Variants in PTER observed in about 807,000 individuals in gnomAD.
PTER encodes N-acetyltaurine hydrolase.
A neutral mutation model predicts 29.6 loss-of-function variants in PTER; 38 were observed. The observed-to-expected ratio is 1.28, with a 90% confidence interval of 0.99 to 1.68. The LOEUF is 1.68. PTER is among the 40% of genes most tolerant of loss of function. The probability of loss-of-function intolerance (pLI) is 0.00; values close to 1 mark genes in which losing one functional copy is unlikely to be tolerated. For synonymous variants in PTER, 172 were observed against 154.5 expected, an observed-to-expected ratio of 1.11 and a Z score of -0.84; for missense variants, 482 against 427.8, an observed-to-expected ratio of 1.13 and a Z score of -1.12.
chr10:16,462,570 CTT>C (rs1293360557), intron 1 of PTER, among the ~76,000 whole-genome samples: 7 of 126,948 alleles, frequency 5.5e-5, no homozygotes, highest in Admixed American at 1.6e-4. Flanking sequence ...ACATAATCTA[CTT>C]TTTTTTTTTT....
chr10:16,485,973 C>T (rs111614922), intron 2 of PTER, among the ~76,000 whole-genome samples: 2,223 of 152,100 alleles, frequency 0.015, 48 homozygotes, highest in African/African-American at 0.05. Flanking sequence ...ACTTGATACA[C>T]GGGACATAGA....
intron 1 of PTER, among the ~76,000 whole-genome samples, chr10:16,470,361 T>C (rs1835000459): frequency 1.3e-5 from 2 of 152,384 alleles, no homozygotes; most frequent in South Asian, 4.1e-4. Flanking sequence ...GTATCTCCCA[T>C]AGACCTTACC....
At chr10:16,509,650 C>A (rs1836733438) in intron 4 of PTER, among the ~76,000 whole-genome samples, 1 of 152,110 alleles carries the variant, frequency 6.6e-6, no homozygotes, top group Admixed American at 6.6e-5. Flanking sequence ...AAATCTTTGT[C>A]TTTTTATGTG....
intron 4 of PTER, among the ~76,000 whole-genome samples, chr10:16,506,073 G>A (rs1164182958): frequency 1.3e-5 from 2 of 149,028 alleles, no homozygotes; most frequent in East Asian, 2.2e-4. Context: ...CAGTAGAGAG[G>A]AAGTCTCAGG....
rs543651424 is a variant in PTER, at chr10:16,460,873, C to G, written c.-48-23464C>G. ...CGGGGATTACAGGCACCCGCCACCA[C>G]GTCTGGCTAATTTTGGTAATTTTGA... On this transcript the variant is annotated intron_variant, in intron 1 of 4. Coordinates refer to ENST00000535784, the MANE Select transcript of PTER (RefSeq NM_001261836.2). 9.2e-5 allele frequency among the ~76,000 whole-genome samples: 14 copies of G among 152,222 alleles called. No individual in the cohort carries two copies. The South Asian group carries it at 2.5e-3, about 27-fold the overall frequency.
downstream of PTER, chr10:16,514,734 T>C (rs752829499): frequency 6.4e-7 from 1 of 1,560,420 alleles, no homozygotes; most frequent in Admixed American, 1.9e-5. Context: ...AGAATTAGGA[T>C]GCGTAAATGA....
At chr10:16,440,631 T>C (rs1833816788) in intron 1 of PTER, among the ~76,000 whole-genome samples, 1 of 152,176 alleles carries the variant, frequency 6.6e-6, no homozygotes, top group Non-Finnish European at 1.5e-5. Context: ...TGGAGTGACC[T>C]GTGTCACTTC....
At position 16,505,160 on chromosome 10, in the gene PTER, G is replaced by T. The variant is rs777829860; in HGVS notation, c.839G>T (p.Arg280Met). The T allele has an allele frequency of 6.2e-6, 10 of 1,613,456 alleles. No homozygotes were observed. Among genetic ancestry groups the T allele is most frequent in the Non-Finnish European group, 8.5e-6 (10 of 1,179,698 alleles). ...DMPDDNKRIR[R>M]VRLLVEEGCE... Reference sequence around the variant, plus strand: ...CCTGATGATAACAAAAGAATTAGAAGGTAAATATGGTAAAGCCTCTCATAG... The same window carrying T: ...CCTGATGATAACAAAAGAATTAGAATGTAAATATGGTAAAGCCTCTCATAG... The change falls in exon 4 of 5, where the codon AGG (arginine) becomes ATG (methionine). Residue 280 changes from arginine (R) to methionine (M), a missense_variant and splice_region_variant. Coordinates refer to ENST00000535784, the MANE Select transcript of PTER (RefSeq NM_001261836.2).
chr10:16,437,999 C>T (rs1833711324), intron 1 of PTER, among the ~76,000 whole-genome samples: 2 of 152,070 alleles, frequency 1.3e-5, no homozygotes, highest in African/African-American at 4.8e-5. Context: ...TGACTTTCTA[C>T]AAGTTGGTTT....
At chr10:16,442,507 A>G (rs1833882857) in intron 1 of PTER, among the ~76,000 whole-genome samples, 1 of 152,214 alleles carries the variant, frequency 6.6e-6, no homozygotes, top group South Asian at 2.1e-4. Flanking sequence ...ACGGTGGCTC[A>G]TGCTGTAATC....
chr10:16,514,558 C>T (rs774959199), downstream of PTER: 2 of 1,613,540 alleles, frequency 1.2e-6, no homozygotes, highest in Non-Finnish European at 1.7e-6. Context: ...ATCCAGAAAA[C>T]GTGCTGTATT....
chr10:16,438,284 G>A (rs1419071368), intron 1 of PTER, among the ~76,000 whole-genome samples: 2 of 151,590 alleles, frequency 1.3e-5, no homozygotes, highest in African/African-American at 4.8e-5. Flanking sequence ...GATTACAGGC[G>A]TAAGCCACCG....
At chr10:16,461,914 T>G (rs1834627020) in intron 1 of PTER, among the ~76,000 whole-genome samples, 1 of 152,148 alleles carries the variant, frequency 6.6e-6, no homozygotes, top group Admixed American at 6.5e-5. Context: ...ATAACAACAT[T>G]TATCTTTTTC....
At chr10:16,503,451 C>G (rs1050384004) in intron 3 of PTER, among the ~76,000 whole-genome samples, 4 of 152,076 alleles carry the variant, frequency 2.6e-5, no homozygotes, top group African/African-American at 9.7e-5. Context: ...GTTGCCCAGG[C>G]TGGAGTGCAA....
intron 1 of PTER, among the ~76,000 whole-genome samples, chr10:16,481,631 G>C (rs1835483899): frequency 6.6e-6 from 1 of 152,020 alleles, no homozygotes; most frequent in Admixed American, 6.6e-5. Flanking sequence ...TCCCAGAAGG[G>C]ATGACATTTC....
chr10:16,482,902 C>T (rs1034690824), intron 1 of PTER, among the ~76,000 whole-genome samples: 3 of 152,140 alleles, frequency 2.0e-5, no homozygotes, highest in Non-Finnish European at 2.9e-5. Context: ...CTGCCTCAGC[C>T]TCCCAAGTAG....
intron 1 of PTER, among the ~76,000 whole-genome samples, chr10:16,458,420 G>A (rs903681382): frequency 6.6e-6 from 1 of 152,158 alleles, no homozygotes; most frequent in Non-Finnish European, 1.5e-5. Context: ...AGTGATGGGC[G>A]ATTACCATAG....
intron 1 of PTER, among the ~76,000 whole-genome samples, chr10:16,447,626 C>T (rs1163149456): frequency 6.6e-6 from 1 of 152,114 alleles, no homozygotes; most frequent in Non-Finnish European, 1.5e-5. Flanking sequence ...AAATTTTAGA[C>T]CTTTTATCTA....
intron 4 of PTER, among the ~76,000 whole-genome samples, chr10:16,510,766 A>G (rs765919648): frequency 6.6e-6 from 1 of 152,178 alleles, no homozygotes. Context: ...GGCACATCCT[A>G]TTAGAAGCTA....
Sources: allele counts gnomAD v4.1 joint callset (sites outside exome capture counted in the v4.1 genomes callset), GRCh38; gene constraint gnomAD v4.1.1; transcripts MANE v1.5; gene names NCBI Gene and HGNC (gene_info 2026-07-23, HGNC 2026-07-21).